PACS1: variants seen among roughly 807,000 people sequenced by gnomAD.
PACS1 encodes PACS-1.
A neutral mutation model predicts 115.0 loss-of-function variants in PACS1; 24 were observed. The ratio of observed to expected loss-of-function variants is 0.21; its 90% CI spans 0.15 to 0.29. The LOEUF (loss-of-function observed/expected upper bound fraction) is 0.29, where lower values mean the gene tolerates loss of function less well. Ranked by LOEUF, PACS1 falls within the 10% of genes least tolerant of loss-of-function variation. The pLI is 1.00. For missense variants in PACS1, 838 were observed against 1,251.2 expected, an observed-to-expected ratio of 0.67 and a Z score of 4.98; for synonymous variants, 453 against 504.5, an observed-to-expected ratio of 0.90 and a Z score of 1.37.
intron 2 of PACS1, among the ~76,000 whole-genome samples, chr11:66,208,222 G>T (rs1048146404): frequency 6.6e-6 from 1 of 152,186 alleles, no homozygotes; most frequent in African/African-American, 2.4e-5. Flanking sequence ...TCCCCTAAGG[G>T]TCAGCACCGC....
rs142859319 is a variant in PACS1 at position 66,215,706 on chromosome 11, G to A, written c.661-413G>A. ...GAGGTCAGGAGTTTGAGACCAGCCT[G>A]GCCAACATAGTGAAACCCTGTCTCT... On this transcript the variant is annotated intron_variant, in intron 4 of 23. Coordinates refer to ENST00000320580, the MANE Select transcript of PACS1 (RefSeq NM_018026.4). 5.0e-3 allele frequency among the ~76,000 whole-genome samples: 765 copies of A among 151,964 alleles called. 6 individuals are homozygous for A. The highest frequency in any genetic ancestry group is 8.7e-3 in the Non-Finnish European group (591 of 68,004).
At chr11:66,154,334 G>A (rs970974316) in intron 1 of PACS1, among the ~76,000 whole-genome samples, 5 of 152,260 alleles carry the variant, frequency 3.3e-5, no homozygotes, top group Admixed American at 3.3e-4. Context: ...AGCTGCTCTA[G>A]AGGCTGAGGC....
chr11:66,211,974 C>T (rs1027691154), intron 4 of PACS1, among the ~76,000 whole-genome samples: 5 of 152,116 alleles, frequency 3.3e-5, no homozygotes, highest in African/African-American at 1.2e-4. Context: ...TTTGAATACT[C>T]CTCAGTCCAG....
intron 10 of PACS1, among the ~76,000 whole-genome samples, chr11:66,221,851 C>T (rs966870997): frequency 3.3e-5 from 5 of 152,136 alleles, no homozygotes; most frequent in African/African-American, 1.2e-4. Context: ...CGTGGTGACT[C>T]ATGTCTATAA....
chr11:66,164,367 TG>T (rs935851705), intron 1 of PACS1, among the ~76,000 whole-genome samples: 4 of 151,690 alleles, frequency 2.6e-5, no homozygotes, highest in Non-Finnish European at 4.4e-5. Context: ...AGGACATAAT[TG>T]AACCTTTCTG....
chr11:66,090,313 C>A (rs901266760), intron 1 of PACS1, among the ~76,000 whole-genome samples: 1 of 138,092 alleles, frequency 7.2e-6, no homozygotes, highest in Non-Finnish European at 1.5e-5. Flanking sequence ...TGCTCTGTTG[C>A]CCATGCTGGA....
intron 1 of PACS1, among the ~76,000 whole-genome samples, chr11:66,189,609 C>T (rs1357718589): frequency 2.6e-5 from 4 of 152,180 alleles, no homozygotes; most frequent in East Asian, 1.9e-4. Context: ...CAGTACCAGG[C>T]GCAGAGTGAA....
chr11:66,134,184 A>C (rs1043119216), intron 1 of PACS1, among the ~76,000 whole-genome samples: 1 of 146,180 alleles, frequency 6.8e-6, no homozygotes, highest in Non-Finnish European at 1.5e-5. Context: ...GCTGCCCTCG[A>C]CTGTTGTGAG....
chr11:66,188,778 C>CTA (rs1383754324), intron 1 of PACS1, among the ~76,000 whole-genome samples: 1 of 152,154 alleles, frequency 6.6e-6, no homozygotes, highest in Non-Finnish European at 1.5e-5. Context: ...ATCCTCACAA[C>CTA]TATATCTAGG....
intron 1 of PACS1, among the ~76,000 whole-genome samples, chr11:66,163,126 A>G (rs1475052355): frequency 6.6e-6 from 1 of 152,116 alleles, no homozygotes; most frequent in Non-Finnish European, 1.5e-5. Flanking sequence ...AGGTGGTTGG[A>G]TCACTTGAGG....
intron 2 of PACS1, among the ~76,000 whole-genome samples, chr11:66,200,587 C>T (rs1164615707): frequency 1.3e-5 from 2 of 152,108 alleles, no homozygotes; most frequent in African/African-American, 4.8e-5. Flanking sequence ...GGGGTCAACT[C>T]AGCAAGAAGA....
chr11:66,098,294 G>C (rs912052482), intron 1 of PACS1, among the ~76,000 whole-genome samples: 1 of 152,156 alleles, frequency 6.6e-6, no homozygotes, highest in African/African-American at 2.4e-5. Flanking sequence ...GTGTGTGTGT[G>C]TCTCTGCATG....
intron 1 of PACS1, among the ~76,000 whole-genome samples, chr11:66,130,653 CT>C (rs1297007110): frequency 6.6e-6 from 1 of 151,968 alleles, no homozygotes; most frequent in African/African-American, 2.4e-5. Context: ...TTTTTCAGTT[CT>C]GTTGGTGTTG....
chr11:66,216,993 A>G, intron 7 of PACS1: 1 of 541,528 alleles, frequency 1.8e-6, no homozygotes, highest in East Asian at 3.3e-5. Flanking sequence ...CCTTCAGGTT[A>G]TCGTCAGATA....
At chr11:66,147,228 G>A (rs527851136) in intron 1 of PACS1, among the ~76,000 whole-genome samples, 49 of 152,072 alleles carry the variant, frequency 3.2e-4, no homozygotes, top group African/African-American at 1.1e-3. Context: ...AAGAAAAAAC[G>A]AAACAAAACA....
chr11:66,071,672 G>A (rs1857312134), intron 1 of PACS1, among the ~76,000 whole-genome samples: 1 of 152,160 alleles, frequency 6.6e-6, no homozygotes, highest in Admixed American at 6.5e-5. Context: ...ACGGTGTGTG[G>A]AGCTGGTTTC....
intron 19 of PACS1, 74 bp from the exon 20 acceptor site, chr11:66,238,730 A>T: frequency 1.5e-6 from 2 of 1,311,916 alleles, no homozygotes; most frequent in Non-Finnish European, 2.2e-6. Flanking sequence ...TGTGCCACCA[A>T]TGTGTTTCTG....
intron 13 of PACS1, 33 bp from the exon 14 acceptor site, chr11:66,232,139 C>G: frequency 4.2e-6 from 6 of 1,443,670 alleles, no homozygotes; most frequent in Non-Finnish European, 5.9e-6. Context: ...CCAGGGACTC[C>G]CTAACAAGAG....
At chr11:66,090,279 T>C (rs1857638611) in intron 1 of PACS1, among the ~76,000 whole-genome samples, 1 of 146,746 alleles carries the variant, frequency 6.8e-6, no homozygotes, top group Non-Finnish European at 1.5e-5. Flanking sequence ...TTCTTTTTTT[T>C]TTTTTTTTTT....
Sources: allele counts gnomAD v4.1 joint callset (sites outside exome capture counted in the v4.1 genomes callset), GRCh38; gene constraint gnomAD v4.1.1; transcripts MANE v1.5; gene names NCBI Gene and HGNC (gene_info 2026-07-23, HGNC 2026-07-21).